Variants in LHFPL3 observed in about 807,000 individuals in gnomAD.
The protein encoded by LHFPL3 is LHFPL tetraspan subfamily member 3.
Under a neutral mutation model 19.3 loss-of-function variants are expected in LHFPL3, and 5 were observed. The observed-to-expected ratio is 0.26, with a 90% CI of 0.14 to 0.54. The LOEUF is 0.54. LHFPL3 is among the 20% of genes least tolerant of loss of function. The pLI is 0.94. For missense variants in LHFPL3, 249 were observed against 307.4 expected (o/e 0.81, Z 1.42); for synonymous variants, 133 against 126.2 (o/e 1.05, Z -0.36).
At chr7:104,538,171 TAAAATTTTAAACA>T (rs1794422623) in intron 1 of LHFPL3, among the ~76,000 whole-genome samples, 2 of 152,208 alleles carry the variant, frequency 1.3e-5, no homozygotes, top group Admixed American at 1.3e-4. Context: ...TAATCAATGC[TAAAATTTTAAACA>T]AAAATAGCCC....
chr7:104,756,626 A>G (rs1794290757), intron 2 of LHFPL3, among the ~76,000 whole-genome samples: 1 of 152,064 alleles, frequency 6.6e-6, no homozygotes, highest in Non-Finnish European at 1.5e-5. Context: ...CAGCCTCCCA[A>G]GAAGATGGGA....
chr7:104,476,155 G>A lies in LHFPL3; in HGVS notation c.445+146931G>A, dbSNP rs1055064289. Reference sequence around the variant, plus strand: ...TTCCATCTAAAATGGGCATACTCAAGCCTCTTTGTCAATGATGATTACAGG... The same window carrying A: ...TTCCATCTAAAATGGGCATACTCAAACCTCTTTGTCAATGATGATTACAGG... On this transcript the variant is annotated intron_variant, in intron 1 of 2. Transcript: ENST00000424859. Among the ~76,000 whole-genome samples, 10 of 152,144 alleles carry A rather than the reference G, an allele frequency of 6.6e-5. No individual in the cohort carries two copies. In the East Asian group the frequency reaches 1.9e-3, roughly 29 times the overall value.
chr7:104,381,900 A>G (rs1790837066), intron 1 of LHFPL3, among the ~76,000 whole-genome samples: 1 of 152,226 alleles, frequency 6.6e-6, no homozygotes, highest in African/African-American at 2.4e-5. Context: ...GGAGACACCA[A>G]TCTGATTTAA....
intron 1 of LHFPL3, among the ~76,000 whole-genome samples, chr7:104,699,681 T>C (rs1562968321): frequency 6.6e-6 from 1 of 152,188 alleles, no homozygotes; most frequent in Non-Finnish European, 1.5e-5. Context: ...TACTTAATGA[T>C]TAAAATGGTA....
chr7:104,887,221 A>C (rs1286018170), intron 2 of LHFPL3, among the ~76,000 whole-genome samples: 4 of 152,220 alleles, frequency 2.6e-5, no homozygotes. Flanking sequence ...AAATAACTGA[A>C]GGGAAGGAAA....
rs542290505 is a variant in LHFPL3, at chr7:104,538,064, G to C, written c.446-198611G>C. 3.3e-5 allele frequency among the ~76,000 whole-genome samples: 5 copies of C among 152,274 alleles called. No individual in the cohort carries two copies. The South Asian group carries it at 1.0e-3, about 32-fold the overall frequency. On this transcript the variant is annotated intron_variant, in intron 1 of 2. Transcript: ENST00000424859. ...TCTGAACTTCAGGTTTCAGTTCAGT[G>C]GTAATTAGTGATGAATTCTGCCACA...
At position 104,328,855 on chromosome 7, in the gene LHFPL3, C is replaced by G. The variant is rs1376933524; in HGVS notation, c.76C>G (p.His26Asp). ...LPAQEAAKLY[H>D]TNYVRNSRAI... ...GGCTCAGGAGGCTGCCAAGCTGTACCACACCAACTATGTGCGGAACTCGCG... is the reference window on the plus strand; with the variant it reads ...GGCTCAGGAGGCTGCCAAGCTGTACGACACCAACTATGTGCGGAACTCGCG... The change falls in exon 1 of 3, where the codon CAC becomes GAC. Residue 26 changes from histidine to aspartate, a missense_variant. By Grantham distance (81) the His-to-Asp change is moderately conservative. Transcript: ENST00000424859. This position sits in a 1 kb window ranked among gnomAD's most constrained non-coding sequence, Gnocchi z 4.6. 5 of 1,614,050 alleles carry G rather than the reference C, an allele frequency of 3.1e-6. No homozygotes were observed. In the African/African-American group the frequency reaches 5.3e-5, roughly 17 times the overall value.
In LHFPL3 at chr7:104,476,459, T is replaced by A. The variant is rs574590074; in HGVS notation, c.445+147235T>A. On this transcript the variant is annotated intron_variant, in intron 1 of 2. Coordinates refer to ENST00000424859, the MANE Select transcript of LHFPL3 (RefSeq NM_199000.3). ...TGCTCTTTAGCTTCCCTCTTTTTTT[T>A]TTTTTATTTTTATTTTTGAGATGAA... 7.2e-5 allele frequency among the ~76,000 whole-genome samples: 11 copies of A among 152,238 alleles called. No individual in the cohort carries two copies. The East Asian group carries it at 1.2e-3, about 16-fold the overall frequency.
At chr7:104,761,802 T>G (rs1350785389) in intron 2 of LHFPL3, among the ~76,000 whole-genome samples, 2 of 152,090 alleles carry the variant, frequency 1.3e-5, no homozygotes, top group African/African-American at 4.8e-5. Flanking sequence ...ACAAAACCCA[T>G]CCTTGGGATG....
intron 1 of LHFPL3, among the ~76,000 whole-genome samples, chr7:104,356,041 G>T (rs867110521): frequency 6.6e-6 from 1 of 152,214 alleles, no homozygotes; most frequent in Non-Finnish European, 1.5e-5. Flanking sequence ...TAATAACAAA[G>T]ACAATGTGGA....
intron 1 of LHFPL3, chr7:104,667,950 A>C: frequency 4.3e-6 from 7 of 1,613,346 alleles, no homozygotes; most frequent in Non-Finnish European, 5.9e-6. Flanking sequence ...GGCGCCTCCA[A>C]TTGACCGTTC....
chr7:104,732,396 G>T (rs1031469783), intron 1 of LHFPL3, among the ~76,000 whole-genome samples: 12 of 152,024 alleles, frequency 7.9e-5, no homozygotes, highest in Non-Finnish European at 1.6e-4. Context: ...TTGCCTCAAT[G>T]ACAGAGCCTG....
At chr7:104,808,939 A>G (rs1284918337) in intron 2 of LHFPL3, among the ~76,000 whole-genome samples, 1 of 129,346 alleles carries the variant, frequency 7.7e-6, no homozygotes, top group Non-Finnish European at 1.5e-5. Flanking sequence ...CTCTGAAACC[A>G]GGCTGGAGTG....
intron 1 of LHFPL3, among the ~76,000 whole-genome samples, chr7:104,332,844 T>C (rs1447026244): frequency 6.6e-6 from 1 of 151,906 alleles, no homozygotes; most frequent in African/African-American, 2.4e-5. Context: ...GTACAGACCA[T>C]GTCTTATATA....
At chr7:104,520,051 T>A (rs1254604168) in intron 1 of LHFPL3, among the ~76,000 whole-genome samples, 2 of 151,914 alleles carry the variant, frequency 1.3e-5, no homozygotes, top group Non-Finnish European at 2.9e-5. Context: ...GCTTCCAGTT[T>A]TTGCCCATTC....
chr7:104,487,341 A>G (rs1188583295), intron 1 of LHFPL3, among the ~76,000 whole-genome samples: 2 of 152,238 alleles, frequency 1.3e-5, no homozygotes, highest in Non-Finnish European at 2.9e-5. Context: ...AACAAGTAAG[A>G]TAATTATTTA....
chr7:104,801,402 G>T (rs558260003), intron 2 of LHFPL3, among the ~76,000 whole-genome samples: 1 of 152,154 alleles, frequency 6.6e-6, no homozygotes, highest in South Asian at 2.1e-4. Context: ...GGGTCAGGGG[G>T]ATTCGTGGGC....
At chr7:104,782,582 C>G (rs962347826) in intron 2 of LHFPL3, among the ~76,000 whole-genome samples, 4 of 152,222 alleles carry the variant, frequency 2.6e-5, no homozygotes, top group African/African-American at 9.6e-5. Flanking sequence ...GTCTCCTGCT[C>G]CCATGTGTGT....
At chr7:104,903,863 T>C (rs1218829578) in intron 2 of LHFPL3, among the ~76,000 whole-genome samples, 4 of 152,352 alleles carry the variant, frequency 2.6e-5, no homozygotes, top group Middle Eastern at 3.4e-3. Context: ...CCCATGTCTT[T>C]CCTATTGTTA....
Sources: gnomAD v4.1 joint callset for allele counts (sites outside exome capture counted in the v4.1 genomes callset) on GRCh38, gnomAD v4.1.1 for gene constraint, Gnocchi (gnomAD v3.1) non-coding constraint, MANE v1.5 for transcripts, NCBI Gene and HGNC (gene_info 2026-07-23, HGNC 2026-07-21) for gene names.